The following RNF150 variants were observed in gnomAD, a reference collection of about 807,000 sequenced individuals.
RNF150 encodes ring finger protein 150.
In RNF150, 24 loss-of-function variants were observed where a neutral mutation model predicts 39.3. The ratio of observed to expected loss-of-function variants is 0.61; its 90% CI spans 0.44 to 0.86. RNF150 has a LOEUF of 0.86. Among genes scored for constraint, RNF150 ranks in the 40% least tolerant of loss-of-function variants. The probability of loss-of-function intolerance (pLI) is 0.00; values close to 1 mark genes in which losing one functional copy is unlikely to be tolerated. For missense variants in RNF150, 502 were observed against 587.8 expected (o/e 0.85, Z 1.51); for synonymous variants, 255 against 227.3 (o/e 1.12, Z -1.10).
chr4:140,957,219 C>G (rs200647615), intron 2 of RNF150, among the ~76,000 whole-genome samples: 3 of 152,138 alleles, frequency 2.0e-5, no homozygotes, highest in African/African-American at 7.2e-5. Flanking sequence ...GAAAAAACAA[C>G]CCCATCAAAA....
At chr4:140,925,832 G>A (rs1260968748) in intron 5 of RNF150, 145 bp downstream of exon 5, 2 of 627,846 alleles carry the variant, frequency 3.2e-6, no homozygotes, top group Non-Finnish European at 5.7e-6. Context: ...TCAGACATAG[G>A]AGTTCTCTTG....
chr4:140,992,458 C>T (rs927286126), intron 1 of RNF150, among the ~76,000 whole-genome samples: 2 of 152,088 alleles, frequency 1.3e-5, no homozygotes, highest in African/African-American at 2.4e-5. Context: ...GAATGTTGAA[C>T]AGTACTGCTT....
At chr4:141,183,748 A>C (rs1453950535) in intron 1 of RNF150, among the ~76,000 whole-genome samples, 1 of 152,034 alleles carries the variant, frequency 6.6e-6, no homozygotes, top group African/African-American at 2.4e-5. Context: ...ATGAGTGAGA[A>C]CATGCACTGT....
rs1178977124 is a variant in RNF150 at position 140,990,301 on chromosome 4, G to A, written c.485-22428C>T. 3.9e-5 allele frequency among the ~76,000 whole-genome samples: 6 copies of A among 152,280 alleles called. 1 individual carries two copies. In the East Asian group the frequency reaches 1.2e-3, roughly 29 times the overall value. On this transcript the variant is annotated intron_variant, in intron 1 of 6. Coordinates refer to ENST00000515673, the MANE Select transcript of RNF150 (RefSeq NM_020724.2). ...TTTCTCTTTCGTAAATGACTCCGAA[G>A]TAAAATAAAATGATAGCTTTCTTCA...
At chr4:141,141,268 T>C (rs1474630814) in intron 1 of RNF150, among the ~76,000 whole-genome samples, 1 of 152,206 alleles carries the variant, frequency 6.6e-6, no homozygotes, top group Non-Finnish European at 1.5e-5. Flanking sequence ...GGTGTTGAAA[T>C]TGATGATGTT....
Position 141,183,244 on chromosome 4 carries a change from A to G in RNF150, c.-6+29550T>C, listed in dbSNP as rs79061922. ...AGGCAGGGTGTGGAGGACACTTCAT[A>G]AGCTTAGGTGATCATGATGGTAGAC... On this transcript the variant is annotated intron_variant, in intron 1 of 7. Transcript: ENST00000420921. Among the ~76,000 whole-genome samples, 543 of 152,228 alleles carry G rather than the reference A, an allele frequency of 3.6e-3. 1 individual carries two copies. The highest frequency in any genetic ancestry group is 6.2e-3 in the Non-Finnish European group (422 of 68,008).
chr4:141,062,165 G>C (rs748512989), intron 1 of RNF150, among the ~76,000 whole-genome samples: 6 of 152,024 alleles, frequency 3.9e-5, no homozygotes, highest in Non-Finnish European at 8.8e-5. Flanking sequence ...TTATGCTCAG[G>C]TAACATAAGA....
At position 140,936,834 on chromosome 4, in the gene RNF150, T is replaced by C. The variant is rs569659724; in HGVS notation, c.891-10761A>G. The stretch of plus-strand genomic sequence containing the variant: ...AATTTATATTAAATATGATATGATA[T>C]AAAAAGAACTTGTGTTAGTCAATAG... On this transcript the variant is annotated intron_variant, in intron 4 of 6. Coordinates refer to ENST00000515673, the MANE Select transcript of RNF150 (RefSeq NM_020724.2). 2.0e-4 allele frequency among the ~76,000 whole-genome samples: 30 copies of C among 152,244 alleles called. 1 individual carries two copies. Among genetic ancestry groups the C allele is most frequent in the Non-Finnish European group, 1.0e-4 (7 of 67,998 alleles).
chr4:141,209,289 C>T (rs891154081), intron 1 of RNF150, among the ~76,000 whole-genome samples: 2 of 151,898 alleles, frequency 1.3e-5, no homozygotes, highest in African/African-American at 4.8e-5. Flanking sequence ...TACTATTGTA[C>T]ATGCTATATG....
At chr4:141,104,256 A>G (rs947159767) in intron 1 of RNF150, among the ~76,000 whole-genome samples, 1 of 152,138 alleles carries the variant, frequency 6.6e-6, no homozygotes, top group African/African-American at 2.4e-5. Flanking sequence ...GAGATCCCAA[A>G]AGGTTTCTAC....
intron 2 of RNF150, among the ~76,000 whole-genome samples, chr4:140,953,587 G>GA (rs1268131864): frequency 6.6e-6 from 1 of 150,430 alleles, no homozygotes; most frequent in East Asian, 2.0e-4. Flanking sequence ...ACAAAGTTTT[G>GA]AAAAAAATGC....
intron 6 of RNF150, among the ~76,000 whole-genome samples, chr4:140,881,127 T>G (rs2111204073): frequency 6.6e-6 from 1 of 152,224 alleles, no homozygotes; most frequent in African/African-American, 2.4e-5. Context: ...ATCTTTCTTT[T>G]TTAATGTAGT....
At chr4:141,181,546 CTTT>C (rs1339919264) in intron 1 of RNF150, among the ~76,000 whole-genome samples, 1 of 152,124 alleles carries the variant, frequency 6.6e-6, no homozygotes, top group African/African-American at 2.4e-5. Context: ...TTGTTTGCTT[CTTT>C]GATTGGGCAC....
At chr4:141,062,508 T>C (rs1737276980) in intron 1 of RNF150, among the ~76,000 whole-genome samples, 1 of 152,104 alleles carries the variant, frequency 6.6e-6, no homozygotes. Context: ...TGTTTTTTTT[T>C]CCTTTACATA....
At chr4:140,971,403 A>G (rs1733459566) in intron 1 of RNF150, among the ~76,000 whole-genome samples, 1 of 152,120 alleles carries the variant, frequency 6.6e-6, no homozygotes, top group South Asian at 2.1e-4. Flanking sequence ...CAAATAGCAT[A>G]TTTGGTATGG....
chr4:141,029,131 C>T (rs1233362711), intron 1 of RNF150, among the ~76,000 whole-genome samples: 2 of 152,126 alleles, frequency 1.3e-5, no homozygotes, highest in East Asian at 1.9e-4. Flanking sequence ...CTTGTGAATA[C>T]ATTGATATGC....
rs1732101474 is a variant in RNF150, at chr4:140,941,971, AACGCGC to A, written c.890+5677_890+5682del. ...AAAGTAAAGCTCAAATTAAAAATAA[AACGCGC>A]ACAAAATTCCAGACTAGGGGAATGA... is the stretch of plus-strand genomic sequence containing the variant. On this transcript the variant is annotated intron_variant, in intron 4 of 6. Transcript: ENST00000515673. Among the ~76,000 whole-genome samples, 4 of 152,290 alleles carry A rather than the reference AACGCGC, an allele frequency of 2.6e-5. No individual in the cohort carries two copies. In the South Asian group the frequency reaches 8.3e-4, roughly 32 times the overall value.
At chr4:141,171,352 G>A (rs1050051302) in intron 1 of RNF150, among the ~76,000 whole-genome samples, 4 of 151,808 alleles carry the variant, frequency 2.6e-5, no homozygotes, top group African/African-American at 9.7e-5. Context: ...TGTGAGTATC[G>A]GACCCAATAG....
At chr4:141,033,782 A>G (rs1480910598) in intron 1 of RNF150, among the ~76,000 whole-genome samples, 1 of 152,176 alleles carries the variant, frequency 6.6e-6, no homozygotes, top group African/African-American at 2.4e-5. Context: ...GAGCAATCAT[A>G]TTTTGAAAGA....
Sources: gnomAD v4.1 joint callset for allele counts (sites outside exome capture counted in the v4.1 genomes callset) on GRCh38, gnomAD v4.1.1 for gene constraint, MANE v1.5 for transcripts, NCBI Gene and HGNC (gene_info 2026-07-23, HGNC 2026-07-21) for gene names.